The following CARS2 variants were observed in gnomAD, a reference collection of about 807,000 sequenced individuals.
The protein encoded by CARS2 is probable cysteine--tRNA ligase, mitochondrial.
In CARS2, 52 loss-of-function variants were observed where a neutral mutation model predicts 68.8. That is an observed-to-expected ratio of 0.76 (90% CI 0.61 to 0.95). The LOEUF is 0.95. Ranked by LOEUF, CARS2 falls within the 40% of genes least tolerant of loss-of-function variation. The pLI is 0.00. For missense variants in CARS2, 780 were observed against 754.2 expected, an observed-to-expected ratio of 1.03 and a Z score of -0.40; for synonymous variants, 314 against 303.6, an observed-to-expected ratio of 1.03 and a Z score of -0.36.
At position 110,712,820 on chromosome 13, in the gene CARS2, G is replaced by A. The variant is rs780232801; in HGVS notation, n.399+317C>T. On this transcript the variant is annotated intron_variant and non_coding_transcript_variant, in intron 1 of 2. Transcript: ENST00000485188. ...CCTCGGGCCTATCCACCTCTTCTGG[G>A]GCTCGGCACTAGGAAGCAGCTTCCC... 4.6e-6 allele frequency: 4 copies of A among 862,286 alleles called. No homozygotes were observed. In the Admixed American group the frequency reaches 6.0e-5, roughly 13 times the overall value. The allele number at this position is 862,286 out of a possible 1,614,324, so 53.4% of individuals were successfully genotyped here.
At position 110,687,931 on chromosome 13, in the gene CARS2, C is replaced by T. The variant is rs371021982; in HGVS notation, c.465+16G>A. 1.0e-4 allele frequency: 164 copies of T among 1,607,256 alleles called. No individual in the cohort carries two copies. Among genetic ancestry groups the T allele is most frequent in the Non-Finnish European group, 1.4e-4 (159 of 1,174,312 alleles). On this transcript the variant is annotated intron_variant, in intron 4 of 14. Coordinates refer to ENST00000257347, the MANE Select transcript of CARS2 (RefSeq NM_024537.4). ...CTGTCACCCTCATGGCAGGAACAAC[C>T]AGCCCCACACTTTACCTTCAGGGCT...
intron 13 of CARS2, chr13:110,643,900 G>C (rs1265975065): frequency 2.1e-5 from 6 of 285,990 alleles, no homozygotes; most frequent in Non-Finnish European, 4.2e-5. Flanking sequence ...GAGAAGCCTG[G>C]CAGCGTCCAC....
At chr13:110,685,124 A>G (rs143324393) in intron 5 of CARS2, among the ~76,000 whole-genome samples, 1 of 152,264 alleles carries the variant, frequency 6.6e-6, no homozygotes, top group African/African-American at 2.4e-5. Context: ...AAGTTACACG[A>G]CAGCAAAAAA....
rs574838233 is a variant in CARS2, at chr13:110,656,655, C to G, written c.988-5555G>C. Among the ~76,000 whole-genome samples, 4 of 152,244 alleles carry G rather than the reference C, an allele frequency of 2.6e-5. No homozygotes were observed. The East Asian group carries it at 5.8e-4, about 22-fold the overall frequency. On this transcript the variant is annotated intron_variant, in intron 9 of 14. Transcript: ENST00000257347. ...AGCCCAGCACTTTGGGAGGCCGAGGCAGGTGGATCACAAGGTCAGGAGATC... is the reference window on the plus strand; with the variant it reads ...AGCCCAGCACTTTGGGAGGCCGAGGGAGGTGGATCACAAGGTCAGGAGATC...
chr13:110,695,274 C>T (rs959976055), intron 3 of CARS2, among the ~76,000 whole-genome samples: 3 of 151,792 alleles, frequency 2.0e-5, no homozygotes, highest in African/African-American at 7.3e-5. Flanking sequence ...GAGTGAGACC[C>T]TATCTTAAAA....
chr13:110,668,528 C>T lies in CARS2; in HGVS notation c.786-1055G>A, dbSNP rs1032877639. 3.6e-5 allele frequency among the ~76,000 whole-genome samples: 5 copies of T among 139,118 alleles called. No individual in the cohort carries two copies. In the East Asian group the frequency reaches 6.5e-4, roughly 18 times the overall value. The allele number at this position is 139,118 out of a possible 152,430, so 91.3% of individuals were successfully genotyped here. On this transcript the variant is annotated intron_variant, in intron 7 of 14. Coordinates refer to ENST00000257347, the MANE Select transcript of CARS2 (RefSeq NM_024537.4). The surrounding 1 kb of genome is among the most constrained non-coding windows in gnomAD (Gnocchi z 4.1). ...CTGCACTCCAGCCTGGGTGACAGAG[C>T]GAGACTCCGTCTCAAAAAAAAAAAA... is the stretch of plus-strand genomic sequence containing the variant.
At position 110,687,814 on chromosome 13, in the gene CARS2, T is replaced by C; in HGVS notation, c.478A>G (p.Thr160Ala). 1 of 1,608,528 alleles carries C rather than the reference T, an allele frequency of 6.2e-7. No homozygotes were observed. The highest frequency in any genetic ancestry group is 8.5e-7 in the Non-Finnish European group (1 of 1,175,628). ...DMAALKVLPP[T>A]VYLRVTENIP... ...TTTTCGGTTACCCTCAGGTACACCG[T>C]GGGTGGGAGAACCTGCAAGGAAGTG... The change falls in exon 5 of 15, where the codon ACG becomes GCG. Residue 160 changes from threonine to alanine, a missense_variant. Coordinates refer to ENST00000257347, the MANE Select transcript of CARS2 (RefSeq NM_024537.4).
chr13:110,650,850 C>T, intron 10 of CARS2, 184 bp downstream of exon 10: 1 of 548,388 alleles, frequency 1.8e-6, no homozygotes, highest in Non-Finnish European at 3.2e-6. Context: ...GTGGGCCGGG[C>T]CCAGACCAGC....
In CARS2 at chr13:110,701,508, A is replaced by C. The variant is rs201577762; in HGVS notation, c.323T>G (p.Phe108Cys). The C allele has an allele frequency of 1.9e-5, 31 of 1,598,552 alleles. No homozygotes were observed. In the East Asian group the frequency reaches 4.2e-4, roughly 22 times the overall value. ...DIIRRILTKV[F>C]GCSIVMVMGI... ...CATCACCATGACTATGCTGCATCCAAAAACCTTGGTTAGGATCCTTCGAAT... is the reference window on the plus strand; with the variant it reads ...CATCACCATGACTATGCTGCATCCACAAACCTTGGTTAGGATCCTTCGAAT... Residue 108 changes from phenylalanine to cysteine, a missense_variant, in exon 3 of 15, where the codon TTT (phenylalanine) becomes TGT (cysteine). By Grantham distance (205) the Phe-to-Cys change is radical. Coordinates refer to ENST00000257347, the MANE Select transcript of CARS2 (RefSeq NM_024537.4).
chr13:110,709,602 C>T (rs570222288), upstream of CARS2, among the ~76,000 whole-genome samples: 3 of 152,156 alleles, frequency 2.0e-5, no homozygotes, highest in Non-Finnish European at 2.9e-5. Flanking sequence ...TTCCTGCCCT[C>T]GAACATCAGA....
At chr13:110,664,209 A>G in intron 8 of CARS2, 1 of 985,292 alleles carries the variant, frequency 1.0e-6, no homozygotes, top group Non-Finnish European at 1.2e-6. Flanking sequence ...ACACAACTTC[A>G]AACAGGAGTC....
chr13:110,699,258 A>ATTGT lies in CARS2; in HGVS notation c.393+2179_393+2180insACAA, dbSNP rs2063714690. On this transcript the variant is annotated intron_variant, in intron 3 of 14. Transcript: ENST00000257347. ...CAGCACAAAACAGACTAAGACAAAC[A>ATTGT]CCGTCTAATGCTCTTGGAGGGTCAA... is the stretch of plus-strand genomic sequence containing the variant. Among the ~76,000 whole-genome samples, 4 of 152,208 alleles carry ATTGT rather than the reference A, an allele frequency of 2.6e-5. 1 individual carries two copies. In the South Asian group the frequency reaches 8.3e-4, roughly 32 times the overall value.
At chr13:110,713,155 T>C in exon 1 of CARS2, 1 of 1,430,632 alleles carries the variant, frequency 7.0e-7, no homozygotes, top group Non-Finnish European at 9.1e-7. Context: ...CGCCTCCTCT[T>C]CATCGTGATT....
At chr13:110,647,040 C>A (rs1888224240) in intron 11 of CARS2, 61 bp downstream of exon 11, 8 of 1,489,256 alleles carry the variant, frequency 5.4e-6, no homozygotes, top group African/African-American at 1.4e-5. Flanking sequence ...CAAGAGCCCA[C>A]CAGCAGCACC....
intron 3 of CARS2, among the ~76,000 whole-genome samples, chr13:110,691,671 C>T (rs937439555): frequency 4.6e-5 from 7 of 152,128 alleles, no homozygotes; most frequent in Non-Finnish European, 7.4e-5. Flanking sequence ...ATTTGAAATG[C>T]CATCTTTTAT....
At chr13:110,664,608 A>G in intron 8 of CARS2, 1 of 977,134 alleles carries the variant, frequency 1.0e-6, no homozygotes, top group Non-Finnish European at 1.2e-6. Flanking sequence ...ATTCTATATA[A>G]TGTGATTACA....
In CARS2 at chr13:110,642,738, C is replaced by T. The variant is rs569616578; in HGVS notation, c.1417-217G>A. On this transcript the variant is annotated intron_variant, in intron 13 of 14. Coordinates refer to ENST00000257347, the MANE Select transcript of CARS2 (RefSeq NM_024537.4). ...CACTCAACTCTGAGCATCTGTCGTCCAAGCAAGGCTGAGTGATCCTCACTC... is the reference window on the plus strand; with the variant it reads ...CACTCAACTCTGAGCATCTGTCGTCTAAGCAAGGCTGAGTGATCCTCACTC... The T allele has an allele frequency of 1.4e-4, 105 of 753,106 alleles. No homozygotes were observed. The East Asian group carries it at 2.5e-3, about 18-fold the overall frequency. The allele number at this position is 753,106 out of a possible 1,614,324, so 46.7% of individuals were successfully genotyped here. A position where few individuals can be genotyped will look rare whatever the true frequency, so the allele number is the denominator to read the frequency against.
At chr13:110,661,800 T>C (rs886870334) in intron 9 of CARS2, among the ~76,000 whole-genome samples, 1 of 151,634 alleles carries the variant, frequency 6.6e-6, no homozygotes, top group African/African-American at 2.4e-5. Flanking sequence ...AATAGGGGAG[T>C]CCAAGGAGGG....
At chr13:110,667,571 G>T (rs1017010403) in intron 7 of CARS2, 98 bp from the exon 8 acceptor site, 3 of 1,052,184 alleles carry the variant, frequency 2.9e-6, no homozygotes, top group Non-Finnish European at 4.1e-6. Flanking sequence ...TTAATTCAAT[G>T]AATAAATGGA....
Sources: allele counts gnomAD v4.1 joint callset (sites outside exome capture counted in the v4.1 genomes callset), GRCh38; gene constraint gnomAD v4.1.1; non-coding constraint Gnocchi (gnomAD v3.1); transcripts MANE v1.5; gene names NCBI Gene and HGNC (gene_info 2026-07-23, HGNC 2026-07-21).